GRIK4: variants seen among roughly 807,000 people sequenced by gnomAD.
The protein encoded by GRIK4 is glutamate ionotropic receptor kainate type subunit 4.
Under a neutral mutation model 104.9 loss-of-function variants are expected in GRIK4, and 40 were observed. The observed-to-expected ratio is 0.38, with a 90% CI of 0.30 to 0.50. GRIK4 has a LOEUF of 0.50. Ranked by LOEUF, GRIK4 falls within the 20% of genes least tolerant of loss-of-function variation. The pLI, the probability that GRIK4 is intolerant of heterozygous loss-of-function variation, is 0.93. For synonymous variants in GRIK4, 485 were observed against 524.9 expected (o/e 0.92, Z 1.04); for missense variants, 1,047 against 1,308.1 (o/e 0.80, Z 3.08).
chr11:120,670,812 C>T (rs1200102774), intron 3 of GRIK4, among the ~76,000 whole-genome samples: 7 of 152,052 alleles, frequency 4.6e-5, no homozygotes, highest in South Asian at 4.1e-4. Context: ...CCCATCAATC[C>T]GCCATCTACA....
chr11:120,957,932 G>A (rs1270070929), intron 16 of GRIK4, among the ~76,000 whole-genome samples: 1 of 152,158 alleles, frequency 6.6e-6, no homozygotes. Flanking sequence ...AATGTAGCAC[G>A]ATTTAAACCT....
intron 1 of GRIK4, among the ~76,000 whole-genome samples, chr11:120,535,545 G>C (rs1261235501): frequency 2.0e-5 from 3 of 152,108 alleles, no homozygotes; most frequent in African/African-American, 7.2e-5. Context: ...AAGTGGGCAT[G>C]TAGGAGGGAA....
chr11:120,917,459 A>G (rs1471623540), intron 13 of GRIK4, among the ~76,000 whole-genome samples: 2 of 152,024 alleles, frequency 1.3e-5, no homozygotes, highest in African/African-American at 4.8e-5. Flanking sequence ...GTAAAAGGCA[A>G]GGGGGGCACA....
rs553714975 is a variant in GRIK4, at chr11:120,798,994, C to T, written c.83-3699C>T. ...TGGGGATAGGTGGGACTGCTGGCTC[C>T]GGAGCAGACCCTTTGGTGTGTGCTG... On this transcript the variant is annotated intron_variant, in intron 3 of 20. Transcript: ENST00000527524. 3.3e-5 allele frequency among the ~76,000 whole-genome samples: 5 copies of T among 152,244 alleles called. No homozygotes were observed. In the South Asian group the frequency reaches 8.3e-4, roughly 25 times the overall value.
intron 3 of GRIK4, among the ~76,000 whole-genome samples, chr11:120,737,405 T>C (rs527451699): frequency 6.6e-5 from 10 of 152,318 alleles, no homozygotes; most frequent in Non-Finnish European, 1.3e-4. Context: ...GTGTTCCTAA[T>C]GAAGTGCATA....
At chr11:120,854,166 T>C (rs1004535772) in intron 8 of GRIK4, among the ~76,000 whole-genome samples, 3 of 152,236 alleles carry the variant, frequency 2.0e-5, no homozygotes, top group Non-Finnish European at 4.4e-5. Flanking sequence ...TGATATTTCA[T>C]AAATCACTTT....
In GRIK4 at chr11:120,660,262, C is replaced by A. The variant is rs1475669403; in HGVS notation, c.-50-7C>A. 7.7e-7 allele frequency: 1 copy of A among 1,303,100 alleles called. No homozygotes were observed. Among genetic ancestry groups the A allele is most frequent in the East Asian group, 2.3e-5 (1 of 43,290 alleles). 80.7% of individuals were successfully genotyped at this position (1,303,100 alleles called of 1,614,324 possible). ...GACTCACGTGCCCCCAACCCCCTCT[C>A]TCGCAGAGTTATGTCATGCCCAGGC... is the stretch of plus-strand genomic sequence containing the variant. On this transcript the variant is annotated splice_region_variant and splice_polypyrimidine_tract_variant and intron_variant, in intron 2 of 20. Transcript: ENST00000527524.
chr11:120,819,773 GC>G lies in GRIK4; in HGVS notation c.368del (p.Pro123GlnfsTer15). The G allele has an allele frequency of 1.2e-6, 2 of 1,614,114 alleles. No individual in the cohort carries two copies. Among genetic ancestry groups the G allele is most frequent in the Non-Finnish European group, 1.7e-6 (2 of 1,180,000 alleles). ...TTGCCAGGTCCCTCACTTCAAAGTG[GC>G]CCCAGAGGAGTTCGTCAAGTTCCAG... Reference protein sequence around the residue: ...GEKEVPHFKVAPEEFVKFQFQ... With the variant: ...GEKEVPHFKVXPEEFVKFQFQ... On this transcript the variant is annotated frameshift_variant, in exon 6 of 21. Coordinates refer to ENST00000527524, the MANE Select transcript of GRIK4 (RefSeq NM_014619.5). LOFTEE classifies it high-confidence loss of function. This position sits in a 1 kb window ranked among gnomAD's most constrained non-coding sequence, Gnocchi z 4.3.
intron 1 of GRIK4, among the ~76,000 whole-genome samples, chr11:120,648,088 G>T (rs555817424): frequency 6.6e-6 from 1 of 152,354 alleles, no homozygotes; most frequent in East Asian, 1.9e-4. Context: ...CATCCTTGTT[G>T]AGAGCAGGGA....
rs1474855748 is a variant in GRIK4 at position 120,956,913 on chromosome 11, G to A, written c.1834G>A (p.Ala612Thr). 5 of 1,613,110 alleles carry A rather than the reference G, an allele frequency of 3.1e-6. No individual in the cohort carries two copies. The highest frequency in any genetic ancestry group is 3.4e-6 in the Non-Finnish European group (4 of 1,179,556). The change falls in exon 16 of 21, where the codon GCC becomes ACC. Residue 612 changes from alanine to threonine, a missense_variant. Ala to Thr is a moderately conservative substitution (Grantham distance 58). Coordinates refer to ENST00000527524, the MANE Select transcript of GRIK4 (RefSeq NM_014619.5). This position sits in a 1 kb window ranked among gnomAD's most constrained non-coding sequence, Gnocchi z 4.6. ...GTTCATGCAGCAAGGCTCCACCATCGCCCCTCGCGCCTTATCCACCCGCTG... is the reference window on the plus strand; with the variant it reads ...GTTCATGCAGCAAGGCTCCACCATCACCCCTCGCGCCTTATCCACCCGCTG... The part of the protein sequence containing the change: ...GGFMQQGSTI[A>T]PRALSTRCVS...
chr11:120,775,059 G>A (rs527947057), intron 3 of GRIK4, among the ~76,000 whole-genome samples: 1 of 152,274 alleles, frequency 6.6e-6, no homozygotes, highest in African/African-American at 2.4e-5. Flanking sequence ...TCTGCCCTTG[G>A]CATCCCAGAG....
chr11:120,971,426 A>T (rs1174919457), intron 19 of GRIK4, among the ~76,000 whole-genome samples: 1 of 152,248 alleles, frequency 6.6e-6, no homozygotes, highest in Non-Finnish European at 1.5e-5. Flanking sequence ...TGGAGGAGGA[A>T]AAGTCTGGAA....
Position 120,987,659 on chromosome 11 carries a change from C to T in GRIK4, c.*1399C>T, listed in dbSNP as rs758845367. ...TTAGGTAAAGCATTTAACTTCTCTT[C>T]CATCTACCAAATAGGAGTTACTGAT... On this transcript the variant is annotated 3_prime_UTR_variant, in exon 21 of 21. Coordinates refer to ENST00000527524, the MANE Select transcript of GRIK4 (RefSeq NM_014619.5). 1 of 152,172 alleles carries T rather than the reference C, an allele frequency of 6.6e-6. No homozygotes were observed. Among genetic ancestry groups the T allele is most frequent in the African/African-American group, 2.4e-5 (1 of 41,430 alleles). 9.4% of individuals were successfully genotyped at this position (152,172 alleles called of 1,614,324 possible). A position where few individuals can be genotyped will look rare whatever the true frequency, so the allele number is the denominator to read the frequency against.
chr11:120,696,876 A>C (rs1950458514), intron 3 of GRIK4, among the ~76,000 whole-genome samples: 1 of 152,204 alleles, frequency 6.6e-6, no homozygotes, highest in Non-Finnish European at 1.5e-5. Flanking sequence ...AGCCCAGAAC[A>C]GGTCCAGCCC....
chr11:120,623,253 C>A (rs1285474897), intron 1 of GRIK4, among the ~76,000 whole-genome samples: 1 of 152,102 alleles, frequency 6.6e-6, no homozygotes, highest in Admixed American at 6.5e-5. Flanking sequence ...GGTGATCCTC[C>A]CCGCTCAGCC....
intron 18 of GRIK4, among the ~76,000 whole-genome samples, chr11:120,966,483 T>C (rs1262255261): frequency 6.6e-6 from 1 of 152,234 alleles, no homozygotes; most frequent in African/African-American, 2.4e-5. Flanking sequence ...GCAATTCTTC[T>C]GTCTCAGCCT....
chr11:120,759,789 G>A (rs1399782352), intron 3 of GRIK4, among the ~76,000 whole-genome samples: 1 of 151,964 alleles, frequency 6.6e-6, no homozygotes, highest in Non-Finnish European at 1.5e-5. Context: ...TAGGCTTTGT[G>A]GGCCATATGG....
At chr11:120,757,652 A>G (rs928446032) in intron 3 of GRIK4, among the ~76,000 whole-genome samples, 1 of 152,144 alleles carries the variant, frequency 6.6e-6, no homozygotes, top group Admixed American at 6.5e-5. Context: ...TGGATTTCAA[A>G]ATAGGGCTTG....
At chr11:120,849,854 T>A (rs1953935296) in intron 8 of GRIK4, among the ~76,000 whole-genome samples, 9 of 152,198 alleles carry the variant, frequency 5.9e-5, no homozygotes, top group Admixed American at 5.9e-4. Context: ...TAGTGCAAAG[T>A]CATATAGGTC....
Sources: allele counts gnomAD v4.1 joint callset (sites outside exome capture counted in the v4.1 genomes callset), GRCh38; gene constraint gnomAD v4.1.1; non-coding constraint Gnocchi (gnomAD v3.1); transcripts MANE v1.5; gene names NCBI Gene and HGNC (gene_info 2026-07-23, HGNC 2026-07-21).